USP15: variants seen among roughly 807,000 people sequenced by gnomAD.
USP15 encodes the protein ubiquitin specific peptidase 15.
In USP15, 18 loss-of-function variants were observed where a neutral mutation model predicts 127.1. The observed-to-expected ratio is 0.14, with a 90% confidence interval of 0.10 to 0.21. The LOEUF is 0.21. Among genes scored for constraint, USP15 ranks in the 10% least tolerant of loss-of-function variants. USP15 has a pLI of 1.00. For synonymous variants in USP15, 364 were observed against 393.7 expected (o/e 0.92, Z 0.89); for missense variants, 805 against 1,159.9 (o/e 0.69, Z 4.44).
chr12:62,272,735 G>C (rs1007448816), intron 1 of USP15, among the ~76,000 whole-genome samples: 2 of 151,894 alleles, frequency 1.3e-5, no homozygotes, highest in Non-Finnish European at 2.9e-5. Context: ...AGTTTCTCCA[G>C]AGCCATTGAA....
chr12:62,402,417 TAGAA>T (rs1221722001), intron 21 of USP15, among the ~76,000 whole-genome samples: 1 of 152,008 alleles, frequency 6.6e-6, no homozygotes, highest in African/African-American at 2.4e-5. Flanking sequence ...TATGGCCACT[TAGAA>T]AGGGAACTTC....
chr12:62,340,999 A>C (rs1001990653), intron 6 of USP15, among the ~76,000 whole-genome samples: 7 of 152,186 alleles, frequency 4.6e-5, no homozygotes, highest in Middle Eastern at 3.4e-3. Context: ...CTATTATTGC[A>C]TGGGAGTCTG....
chr12:62,355,310 T>C (rs1469699959), intron 7 of USP15, 21 bp from the exon 8 acceptor site: 1 of 1,571,712 alleles, frequency 6.4e-7, no homozygotes, highest in African/African-American at 1.4e-5. Context: ...GGCTGCATTA[T>C]GAAAATTTTT....
intron 1 of USP15, among the ~76,000 whole-genome samples, chr12:62,272,187 A>ATT (rs772983493): frequency 4.4e-4 from 67 of 152,042 alleles, no homozygotes; most frequent in Non-Finnish European, 8.4e-4. Context: ...AAATAAGAGA[A>ATT]TTAGTCATAA....
Position 62,383,943 on chromosome 12 carries a change from G to C in USP15, c.1193G>C (p.Arg398Thr), listed in dbSNP as rs2067065357. ...LLDGLHEDLN[R>T]IRKKPYIQLK... The stretch of plus-strand genomic sequence containing the variant: ...GATGGATTACATGAGGATTTGAATA[G>C]AATTAGGAAAAAACCATATATACAA... Residue 398 changes from arginine (R) to threonine (T), a missense_variant, in exon 10 of 22, where the codon AGA becomes ACA. This residue lies in a region of USP15 where 84 missense variants were observed against 210.3 expected (regional missense o/e 0.40). Transcript: ENST00000280377. 1 of 1,612,556 alleles carries C rather than the reference G, an allele frequency of 6.2e-7. No individual in the cohort carries two copies. Among genetic ancestry groups the C allele is most frequent in the African/African-American group, 1.3e-5 (1 of 74,822 alleles).
intron 1 of USP15, among the ~76,000 whole-genome samples, chr12:62,285,682 TC>T (rs1490237096): frequency 6.6e-6 from 1 of 152,166 alleles, no homozygotes; most frequent in East Asian, 1.9e-4. Context: ...TATCCAATCA[TC>T]CACTGATGGA....
intron 6 of USP15, among the ~76,000 whole-genome samples, chr12:62,347,979 A>T (rs1364923587): frequency 6.6e-6 from 1 of 152,166 alleles, no homozygotes; most frequent in Non-Finnish European, 1.5e-5. Flanking sequence ...AGGCAAGAGG[A>T]TCACTTGAGG....
rs973717803 is a variant in USP15, at chr12:62,404,335, A to G, written c.2906A>G (p.Asp969Gly). ...AGTGATGAAGATAGCAATGATAATG[A>G]CAATGATATAGAAAATGAAAACTGT... ...LESDEDSNDNDNDIENENCMH... is the reference protein window; with the variant it reads ...LESDEDSNDNGNDIENENCMH... Residue 969 changes from aspartate to glycine, a missense_variant, in exon 22 of 22, where the codon GAC becomes GGC. By Grantham distance (94) the Asp-to-Gly change is moderately conservative (BLOSUM62 -1). Transcript: ENST00000280377. 5 of 1,612,432 alleles carry G rather than the reference A, an allele frequency of 3.1e-6. No homozygotes were observed. The highest frequency in any genetic ancestry group is 4.2e-6 in the Non-Finnish European group (5 of 1,179,018).
chr12:62,357,915 G>GGT (rs2137459670), intron 8 of USP15, among the ~76,000 whole-genome samples: 1 of 152,112 alleles, frequency 6.6e-6, no homozygotes, highest in Admixed American at 6.6e-5. Context: ...AAATAAAAAG[G>GGT]GTAATAGATA....
In USP15 at chr12:62,408,580, C is replaced by T. The variant is rs1181264811; in HGVS notation, c.*4205C>T. The T allele has an allele frequency of 6.6e-6, 1 of 151,928 alleles. No individual in the cohort carries two copies. The highest frequency in any genetic ancestry group is 1.5e-5 in the Non-Finnish European group (1 of 67,966). The allele number at this position is 151,928 out of a possible 1,614,324, so 9.4% of individuals were successfully genotyped here. On this transcript the variant is annotated 3_prime_UTR_variant, in exon 22 of 22. Coordinates refer to ENST00000280377, the MANE Select transcript of USP15 (RefSeq NM_001252078.2). ...ACAAAAAAATAAAAAATTTTTTGCT[C>T]TTTGAATAACTTAACATGAGGAATT...
chr12:62,326,982 T>C (rs1037402321), intron 6 of USP15, among the ~76,000 whole-genome samples: 9 of 151,704 alleles, frequency 5.9e-5, no homozygotes, highest in Non-Finnish European at 1.3e-4. Flanking sequence ...ATACAAAAAT[T>C]AGCCAGGAGT....
intron 1 of USP15, among the ~76,000 whole-genome samples, chr12:62,292,153 G>C (rs889035762): frequency 1.4e-5 from 2 of 147,460 alleles, no homozygotes; most frequent in Admixed American, 6.7e-5. Flanking sequence ...GGATGGGGGG[G>C]TGTGGGCCAG....
intron 6 of USP15, among the ~76,000 whole-genome samples, chr12:62,344,621 G>T (rs1182901458): frequency 6.6e-6 from 1 of 152,160 alleles, no homozygotes; most frequent in Admixed American, 6.5e-5. Context: ...CTCTATGGGG[G>T]CTCCAAACCC....
At chr12:62,360,381 G>A (rs1054007984) in intron 8 of USP15, among the ~76,000 whole-genome samples, 7 of 151,826 alleles carry the variant, frequency 4.6e-5, no homozygotes, top group African/African-American at 1.7e-4. Flanking sequence ...CAAAAATTTA[G>A]AAGAATGTTA....
intron 14 of USP15, 38 bp downstream of exon 14, chr12:62,390,026 T>A: frequency 6.7e-7 from 1 of 1,503,604 alleles, no homozygotes; most frequent in Non-Finnish European, 8.9e-7. Context: ...AAAATAAATA[T>A]GGGAATAAAA....
chr12:62,304,464 G>T (rs957008120), intron 3 of USP15, among the ~76,000 whole-genome samples: 4 of 152,058 alleles, frequency 2.6e-5, no homozygotes, highest in Non-Finnish European at 5.9e-5. Flanking sequence ...AATTTCATTT[G>T]CATTTTCACT....
intron 6 of USP15, chr12:62,335,032 T>TA (rs2065417639): frequency 1.3e-6 from 1 of 760,540 alleles, no homozygotes; most frequent in Admixed American, 2.8e-5. Context: ...ATGGAAGTCT[T>TA]ACCTTTTTCT....
chr12:62,268,977 A>G (rs11174406), intron 1 of USP15, among the ~76,000 whole-genome samples: 11,014 of 151,268 alleles, frequency 0.073, 463 homozygotes, highest in Middle Eastern at 0.11. Context: ...TATTCTGGAT[A>G]TTTTATATAA....
chr12:62,331,509 G>A (rs73137527), intron 6 of USP15, among the ~76,000 whole-genome samples: 2 of 152,188 alleles, frequency 1.3e-5, no homozygotes, highest in African/African-American at 4.8e-5. Flanking sequence ...TGCATTTTAA[G>A]TACTTCATAT....
Sources: gnomAD v4.1 joint callset for allele counts (sites outside exome capture counted in the v4.1 genomes callset) on GRCh38, gnomAD v4.1.1 for gene constraint, gnomAD v4.1.1 regional missense constraint, MANE v1.5 for transcripts, NCBI Gene and HGNC (gene_info 2026-07-23, HGNC 2026-07-21) for gene names.